KIF13A: variants seen among roughly 807,000 people sequenced by gnomAD.
The protein encoded by KIF13A is kinesin family member 13A, also known as kinesin-like protein KIF13A.
KIF13A carries 79 observed loss-of-function variants against 212.2 expected under a neutral mutation model. The ratio of observed to expected loss-of-function variants is 0.37; its 90% confidence interval spans 0.31 to 0.45. KIF13A has a LOEUF of 0.45. Among genes scored for constraint, KIF13A ranks in the 20% least tolerant of loss-of-function variants. The pLI is 1.00. For synonymous variants in KIF13A, 789 were observed against 808.6 expected (o/e 0.98, Z 0.41); for missense variants, 1,901 against 2,209.0 (o/e 0.86, Z 2.79).
chr6:17,784,658 A>C (rs1760895603), intron 28 of KIF13A, among the ~76,000 whole-genome samples: 2 of 152,184 alleles, frequency 1.3e-5, no homozygotes, highest in African/African-American at 4.8e-5. Flanking sequence ...TACACGAGAG[A>C]GACTGAAGTA....
chr6:17,797,139 C>T (rs1350970388), intron 22 of KIF13A, among the ~76,000 whole-genome samples: 1 of 152,060 alleles, frequency 6.6e-6, no homozygotes, highest in Middle Eastern at 3.2e-3. Context: ...ACGCCATTCT[C>T]CTGCCTCAGC....
chr6:17,884,437 A>G (rs1030097511), intron 3 of KIF13A, among the ~76,000 whole-genome samples: 4 of 152,206 alleles, frequency 2.6e-5, no homozygotes, highest in Non-Finnish European at 5.9e-5. Context: ...CCAAGCTGGA[A>G]GGTTTTCTGA....
At chr6:17,957,605 C>G (rs1778446779) in intron 2 of KIF13A, among the ~76,000 whole-genome samples, 2 of 152,166 alleles carry the variant, frequency 1.3e-5, no homozygotes, top group Non-Finnish European at 2.9e-5. Context: ...ATGTTTAAAA[C>G]AGGGGGGCAG....
intron 17 of KIF13A, among the ~76,000 whole-genome samples, chr6:17,815,405 C>T (rs1763837479): frequency 6.6e-6 from 1 of 152,188 alleles, no homozygotes; most frequent in Non-Finnish European, 1.5e-5. Flanking sequence ...AGGGAGACTC[C>T]CTTTCCCAGT....
intron 2 of KIF13A, among the ~76,000 whole-genome samples, chr6:17,981,787 C>G (rs1205764254): frequency 1.3e-5 from 2 of 152,054 alleles, no homozygotes; most frequent in African/African-American, 2.4e-5. Context: ...AGAATAACAA[C>G]ACAGAAAAGA....
chr6:17,848,558 C>CTTTTTT (rs66477046), intron 9 of KIF13A, among the ~76,000 whole-genome samples: 8 of 68,850 alleles, frequency 1.2e-4, no homozygotes, highest in South Asian at 7.2e-4. Context: ...ACTCGTACAT[C>CTTTTTT]TTTTTTTTTT....
chr6:17,825,705 C>G lies in KIF13A; in HGVS notation c.1786+63G>C. On this transcript the variant is annotated intron_variant, in intron 16 of 38. Transcript: ENST00000259711. This position sits in a 1 kb window ranked among gnomAD's most constrained non-coding sequence, Gnocchi z 4.5. ...AATGACACCTGATGCATGCTTATCCCTCACTGAATGGTGTGAGGTGAGGAA... is the reference window on the plus strand; with the variant it reads ...AATGACACCTGATGCATGCTTATCCGTCACTGAATGGTGTGAGGTGAGGAA... 1 of 1,463,332 alleles carries G rather than the reference C, an allele frequency of 6.8e-7. No homozygotes were observed. Among genetic ancestry groups the G allele is most frequent in the South Asian group, 1.3e-5 (1 of 79,518 alleles). The allele number at this position is 1,463,332 out of a possible 1,614,324, so 90.6% of individuals were successfully genotyped here. A position where few individuals can be genotyped will look rare whatever the true frequency, so the allele number is the denominator to read the frequency against.
chr6:17,781,747 C>T (rs1400655792), intron 29 of KIF13A, among the ~76,000 whole-genome samples: 1 of 151,632 alleles, frequency 6.6e-6, no homozygotes, highest in Non-Finnish European at 1.5e-5. Context: ...CCACCTCAGC[C>T]TCCTGAGTAG....
rs547024702 is a variant in KIF13A, at chr6:17,952,636, G to C, written c.146+34418C>G. On this transcript the variant is annotated intron_variant, in intron 2 of 38. Coordinates refer to ENST00000259711, the MANE Select transcript of KIF13A (RefSeq NM_022113.6). Reference sequence around the variant, plus strand: ...AGTCTGGGTGACAGGGAGAGACTCTGTAAGAAAAGAAAAGCCGGGCGTGGT... The same window carrying C: ...AGTCTGGGTGACAGGGAGAGACTCTCTAAGAAAAGAAAAGCCGGGCGTGGT... Among the ~76,000 whole-genome samples the C allele has an allele frequency of 1.1e-4, 17 of 150,326 alleles. No homozygotes were observed. The East Asian group carries it at 3.4e-3, about 30-fold the overall frequency.
chr6:17,937,519 G>C (rs1776571605), intron 2 of KIF13A, among the ~76,000 whole-genome samples: 1 of 152,182 alleles, frequency 6.6e-6, no homozygotes, highest in South Asian at 2.1e-4. Flanking sequence ...AAAAGTTACA[G>C]AAGTCTCTTC....
At chr6:17,813,390 G>A (rs1425613684) in intron 17 of KIF13A, among the ~76,000 whole-genome samples, 1 of 152,156 alleles carries the variant, frequency 6.6e-6, no homozygotes, top group Non-Finnish European at 1.5e-5. Context: ...AGAGGTAGGA[G>A]AATCGCTTGA....
rs374597287 is a variant in KIF13A, at chr6:17,963,325, G to A, written c.146+23729C>T. Among the ~76,000 whole-genome samples the A allele has an allele frequency of 1.3e-5, 2 of 152,156 alleles. No individual in the cohort carries two copies. The highest frequency in any genetic ancestry group is 4.8e-5 in the African/African-American group (2 of 41,418). ...CCCAGCTACTCGGGAGGCTGACGCA[G>A]GAGAATCACTTGAACCTGGGAGGGA... On this transcript the variant is annotated intron_variant, in intron 2 of 38. Coordinates refer to ENST00000259711, the MANE Select transcript of KIF13A (RefSeq NM_022113.6). This position sits in a 1 kb window ranked among gnomAD's most constrained non-coding sequence, Gnocchi z 4.1.
chr6:17,770,361 A>ATGTTTTT, intron 38 of KIF13A: 1 of 119,446 alleles, frequency 8.4e-6, no homozygotes, highest in South Asian at 2.7e-4. Flanking sequence ...AATAAACAGG[A>ATGTTTTT]TTTTTTTTTT....
intron 14 of KIF13A, among the ~76,000 whole-genome samples, chr6:17,827,952 T>A (rs776094877): frequency 4.6e-5 from 7 of 152,074 alleles, no homozygotes; most frequent in Admixed American, 6.5e-5. Flanking sequence ...TCACTTTGAG[T>A]TTTCATTTTC....
rs1356969140 is a variant in KIF13A at position 17,826,788 on chromosome 6, TATTA to T, written c.1533-668_1533-665del. On this transcript the variant is annotated intron_variant, in intron 14 of 38. Transcript: ENST00000259711. The surrounding 1 kb of genome is among the most constrained non-coding windows in gnomAD (Gnocchi z 4.7). Reference sequence around the variant, plus strand: ...TATATGAAGATTAGTAACGAATTATTATTAATTATTTTAGGTATGATGATATTGA... The same window carrying T: ...TATATGAAGATTAGTAACGAATTATTATTATTTTAGGTATGATGATATTGA... Among the ~76,000 whole-genome samples the T allele has an allele frequency of 3.3e-5, 5 of 151,624 alleles. No homozygotes were observed. The highest frequency in any genetic ancestry group is 7.4e-5 in the Non-Finnish European group (5 of 67,936).
At chr6:17,812,185 A>G (rs958100152) in intron 17 of KIF13A, 3 of 152,172 alleles carry the variant, frequency 2.0e-5, no homozygotes, top group Non-Finnish European at 4.4e-5. Flanking sequence ...TAAAATTTAA[A>G]TATTTTGACT....
chr6:17,987,464 G>A lies in KIF13A; in HGVS notation c.-1C>T. The A allele has an allele frequency of 7.6e-7, 1 of 1,310,100 alleles. No homozygotes were observed. Among genetic ancestry groups the A allele is most frequent in the Non-Finnish European group, 1.0e-6 (1 of 997,624 alleles). The allele number at this position is 1,310,100 out of a possible 1,614,324, so 81.2% of individuals were successfully genotyped here. ...CAACTTTTACCTTGGTATCCGACAT[G>A]TTGGCTGCGCTCGCCCGGCCGCTCG... is the stretch of plus-strand genomic sequence containing the variant. On this transcript the variant is annotated 5_prime_UTR_variant, in exon 1 of 39. Coordinates refer to ENST00000259711, the MANE Select transcript of KIF13A (RefSeq NM_022113.6). The surrounding 1 kb of genome is among the most constrained non-coding windows in gnomAD (Gnocchi z 7.7).
At chr6:17,782,290 A>G (rs985885630) in intron 29 of KIF13A, among the ~76,000 whole-genome samples, 2 of 152,182 alleles carry the variant, frequency 1.3e-5, no homozygotes, top group Admixed American at 6.5e-5. Context: ...TGAGTCTCCT[A>G]TAAGATGGAA....
intron 2 of KIF13A, among the ~76,000 whole-genome samples, chr6:17,916,222 G>A (rs943610315): frequency 1.3e-5 from 2 of 152,130 alleles, no homozygotes; most frequent in African/African-American, 4.8e-5. Context: ...AGGAATACAA[G>A]GATTTTGATT....
Sources: allele counts gnomAD v4.1 joint callset (sites outside exome capture counted in the v4.1 genomes callset), GRCh38; gene constraint gnomAD v4.1.1; non-coding constraint Gnocchi (gnomAD v3.1); transcripts MANE v1.5; gene names NCBI Gene and HGNC (gene_info 2026-07-23, HGNC 2026-07-21).